CADM2: variants seen among roughly 807,000 people sequenced by gnomAD.
The protein encoded by CADM2 is cell adhesion molecule 2.
Under a neutral mutation model 49.8 loss-of-function variants are expected in CADM2, and 12 were observed. The ratio of observed to expected loss-of-function variants is 0.24; its 90% CI spans 0.15 to 0.39. The LOEUF (loss-of-function observed/expected upper bound fraction) is 0.39, where lower values mean the gene tolerates loss of function less well. CADM2 is among the 10% of genes least tolerant of loss of function. The pLI, the probability that CADM2 is intolerant of heterozygous loss-of-function variation, is 1.00. For missense variants in CADM2, 378 were observed against 492.3 expected (o/e 0.77, Z 2.20); for synonymous variants, 214 against 175.4 (o/e 1.22, Z -1.74).
At chr3:85,507,140 A>T (rs938034300) in intron 1 of CADM2, among the ~76,000 whole-genome samples, 1 of 149,826 alleles carries the variant, frequency 6.7e-6, no homozygotes, top group South Asian at 2.1e-4. Flanking sequence ...ATCCATATGT[A>T]CTTATTATTT....
intron 1 of CADM2, among the ~76,000 whole-genome samples, chr3:85,263,193 C>T (rs754759942): frequency 3.3e-5 from 5 of 151,872 alleles, no homozygotes; most frequent in Admixed American, 1.3e-4. Context: ...GGGGTTTCAC[C>T]GTGTTGCCCA....
At chr3:85,358,813 T>A (rs1377560252) in intron 1 of CADM2, among the ~76,000 whole-genome samples, 1 of 152,138 alleles carries the variant, frequency 6.6e-6, no homozygotes, top group African/African-American at 2.4e-5. Context: ...TGGATAACTT[T>A]AAGAGGTTGT....
intron 3 of CADM2, among the ~76,000 whole-genome samples, chr3:85,823,701 A>C (rs2108197384): frequency 6.6e-6 from 1 of 152,256 alleles, no homozygotes; most frequent in South Asian, 2.1e-4. Flanking sequence ...TTGTACAATT[A>C]TTTTTCATTT....
intron 1 of CADM2, among the ~76,000 whole-genome samples, chr3:85,358,051 T>G (rs1181417309): frequency 6.6e-6 from 1 of 152,130 alleles, no homozygotes; most frequent in Non-Finnish European, 1.5e-5. Flanking sequence ...TTATATCAAC[T>G]TCAGTGCCAT....
chr3:86,043,031 C>G (rs191248839), intron 8 of CADM2, among the ~76,000 whole-genome samples: 5 of 152,234 alleles, frequency 3.3e-5, no homozygotes, highest in Admixed American at 2.0e-4. Context: ...ATTCAACAGC[C>G]CTTCATGCTA....
At chr3:85,891,205 C>G (rs188098128) in intron 5 of CADM2, among the ~76,000 whole-genome samples, 2 of 152,312 alleles carry the variant, frequency 1.3e-5, no homozygotes, top group African/African-American at 4.8e-5. Context: ...AAGTGAATAT[C>G]TGCTACTTAG....
At chr3:85,849,354 A>G (rs924657813) in intron 3 of CADM2, among the ~76,000 whole-genome samples, 2 of 152,244 alleles carry the variant, frequency 1.3e-5, no homozygotes, top group African/African-American at 2.4e-5. Context: ...TAGGAATCGT[A>G]TATATGCTAC....
At chr3:85,926,578 A>G (rs944266692) in intron 6 of CADM2, among the ~76,000 whole-genome samples, 5 of 152,218 alleles carry the variant, frequency 3.3e-5, no homozygotes, top group Non-Finnish European at 5.9e-5. Context: ...CGATAAGGCA[A>G]AGATTCACAA....
At chr3:84,996,170 A>G (rs1454024726) in intron 1 of CADM2, among the ~76,000 whole-genome samples, 4 of 152,142 alleles carry the variant, frequency 2.6e-5, no homozygotes, top group African/African-American at 9.7e-5. Flanking sequence ...TAAATTTTTT[A>G]AAGTATTGAA....
At chr3:85,677,605 G>T (rs959679829) in intron 1 of CADM2, among the ~76,000 whole-genome samples, 1 of 152,128 alleles carries the variant, frequency 6.6e-6, no homozygotes, top group African/African-American at 2.4e-5. Context: ...ATAAAATAAA[G>T]AATTATTTTT....
intron 1 of CADM2, among the ~76,000 whole-genome samples, chr3:85,399,077 C>T (rs1222153301): frequency 1.3e-5 from 2 of 152,120 alleles, no homozygotes; most frequent in African/African-American, 2.4e-5. Context: ...AGTCTTTGCC[C>T]ATGCCTATGT....
At chr3:85,501,464 T>C (rs913352574) in intron 1 of CADM2, among the ~76,000 whole-genome samples, 2 of 152,164 alleles carry the variant, frequency 1.3e-5, no homozygotes, top group African/African-American at 4.8e-5. Context: ...GAAATAGTAT[T>C]ATCAACACAG....
intron 1 of CADM2, among the ~76,000 whole-genome samples, chr3:85,586,433 T>A (rs571352031): frequency 8.2e-4 from 124 of 152,112 alleles, no homozygotes; most frequent in Middle Eastern, 6.8e-3. Context: ...GTAATGAAAA[T>A]GTGGATGAAA....
chr3:85,538,948 A>C, intron 1 of CADM2, among the ~76,000 whole-genome samples: 1 of 152,172 alleles, frequency 6.6e-6, no homozygotes, highest in African/African-American at 2.4e-5. Context: ...TTTGAAATAT[A>C]TGCTTTTTAA....
At chr3:85,601,141 T>TA in intron 1 of CADM2, among the ~76,000 whole-genome samples, 1 of 76,888 alleles carries the variant, frequency 1.3e-5, no homozygotes, top group African/African-American at 4.0e-5. Flanking sequence ...TATATATATA[T>TA]ATATATATAT....
At chr3:85,207,073 T>TGC (rs1368836769) in intron 1 of CADM2, among the ~76,000 whole-genome samples, 1 of 151,904 alleles carries the variant, frequency 6.6e-6, no homozygotes, top group East Asian at 1.9e-4. Flanking sequence ...TGTGTGTGTG[T>TGC]GTGTGTGTGT....
At chr3:85,183,921 G>A (rs553505948) in intron 1 of CADM2, among the ~76,000 whole-genome samples, 1 of 152,098 alleles carries the variant, frequency 6.6e-6, no homozygotes, top group South Asian at 2.1e-4. Context: ...AAAAGTAAAG[G>A]CTTTGCCATT....
At chr3:85,574,321 G>C (rs1227406580) in intron 1 of CADM2, among the ~76,000 whole-genome samples, 1 of 152,196 alleles carries the variant, frequency 6.6e-6, no homozygotes, top group African/African-American at 2.4e-5. Context: ...ATCCTTGGCT[G>C]GGGTTCTGCT....
intron 1 of CADM2, among the ~76,000 whole-genome samples, chr3:85,542,796 A>G (rs7642235): frequency 0.2 from 30,325 of 152,234 alleles, 3,813 homozygotes; most frequent in East Asian, 0.3. Flanking sequence ...TTGCAACAAC[A>G]TAAGAAAGTT....
Sources: allele counts gnomAD v4.1 joint callset (sites outside exome capture counted in the v4.1 genomes callset), GRCh38; gene constraint gnomAD v4.1.1; transcripts MANE v1.5; gene names NCBI Gene and HGNC (gene_info 2026-07-23, HGNC 2026-07-21).